The following EP300 variants were observed in gnomAD, a reference collection of about 807,000 sequenced individuals.
EP300 encodes the protein histone acetyltransferase p300.
Under a neutral mutation model 264.0 loss-of-function variants are expected in EP300, and 31 were observed. That is an observed-to-expected ratio of 0.12 (90% CI 0.09 to 0.16). The LOEUF (loss-of-function observed/expected upper bound fraction) is 0.16, where lower values mean the gene tolerates loss of function less well. Among genes scored for constraint, EP300 ranks in the 10% least tolerant of loss-of-function variants. The probability of loss-of-function intolerance (pLI) is 1.00; values close to 1 mark genes in which losing one functional copy is unlikely to be tolerated. For missense variants in EP300, 2,766 were observed against 3,052.9 expected (o/e 0.91, Z 2.21); for synonymous variants, 1,340 against 1,045.4 (o/e 1.28, Z -5.44).
At chr22:41,134,169 T>C (rs1319945532) in intron 6 of EP300, among the ~76,000 whole-genome samples, 3 of 150,854 alleles carry the variant, frequency 2.0e-5, no homozygotes, top group South Asian at 2.1e-4. Context: ...TTTTCTTTTT[T>C]TTTTTTTTTT....
chr22:41,144,454 A>C (rs2058999775), intron 10 of EP300, among the ~76,000 whole-genome samples: 1 of 151,742 alleles, frequency 6.6e-6, no homozygotes, highest in Admixed American at 6.6e-5. Context: ...CCCAAGCTCA[A>C]GCAATCCTCC....
rs568903436 is a variant in EP300 at position 41,179,799 on chromosome 22, C to T, written c.*843C>T. On this transcript the variant is annotated 3_prime_UTR_variant, in exon 31 of 31. Coordinates refer to ENST00000263253, the MANE Select transcript of EP300 (RefSeq NM_001429.4). ...TTAAAAAGAGGGTAAGAAACGATTC[C>T]GGTGGGATGATTTTAACATGCAAAA... 2.2e-4 allele frequency: 50 copies of T among 227,654 alleles called. No homozygotes were observed. The highest frequency in any genetic ancestry group is 3.5e-4 in the Non-Finnish European group (40 of 114,816). 14.1% of individuals were successfully genotyped at this position (227,654 alleles called of 1,614,324 possible). A position where few individuals can be genotyped will look rare whatever the true frequency, so the allele number is the denominator to read the frequency against.
rs754582079 is a variant in EP300 at position 41,149,039 on chromosome 22, C to T, written c.2243C>T (p.Pro748Leu). 8 of 1,611,828 alleles carry T rather than the reference C, an allele frequency of 5.0e-6. No homozygotes were observed. Among genetic ancestry groups the T allele is most frequent in the Non-Finnish European group, 2.5e-6 (3 of 1,179,414 alleles). Residue 748 changes from proline (P) to leucine (L), a missense_variant and splice_region_variant, in exon 13 of 31, where the codon CCT becomes CTT. Coordinates refer to ENST00000263253, the MANE Select transcript of EP300 (RefSeq NM_001429.4). ...QLAQPGALNP[P>L]MGYGPRMQQP... ...ATTTGTGTTTTTTTTTTTTTTCAGCCTATGGGCTATGGGCCTCGTATGCAA... is the reference window on the plus strand; with the variant it reads ...ATTTGTGTTTTTTTTTTTTTTCAGCTTATGGGCTATGGGCCTCGTATGCAA...
chr22:41,130,024 A>C, intron 5 of EP300, 21 bp downstream of exon 5: 1 of 1,588,076 alleles, frequency 6.3e-7, no homozygotes, highest in South Asian at 1.1e-5. Context: ...AAATCTTTTG[A>C]AGGTTTATAT....
chr22:41,115,310 C>T (rs2058814833), intron 1 of EP300, among the ~76,000 whole-genome samples: 1 of 152,222 alleles, frequency 6.6e-6, no homozygotes, highest in Admixed American at 6.5e-5. Context: ...CAGGAGTCTC[C>T]TAATGATAAT....
chr22:41,172,789 A>G (rs1287241271), intron 28 of EP300, 126 bp downstream of exon 28: 6 of 1,043,712 alleles, frequency 5.7e-6, no homozygotes, highest in Non-Finnish European at 5.7e-6. Flanking sequence ...GTTGGACAAG[A>G]AATATTGGCT....
chr22:41,093,471 G>T (rs1182171926), intron 1 of EP300, among the ~76,000 whole-genome samples: 1 of 152,078 alleles, frequency 6.6e-6, no homozygotes, highest in African/African-American at 2.4e-5. Flanking sequence ...AATGAATTTC[G>T]AATCCTTTCT....
chr22:41,121,655 G>A lies in EP300; in HGVS notation c.729+3834G>A, dbSNP rs191073227. On this transcript the variant is annotated intron_variant, in intron 2 of 30. Transcript: ENST00000263253. ...TGCATCGTGATCAAGGGAACAAGCA[G>A]TGTCAGGAATTGGTTGAAATTCAGT... 2.6e-3 allele frequency among the ~76,000 whole-genome samples: 402 copies of A among 152,324 alleles called. 1 individual carries two copies. Among genetic ancestry groups the A allele is most frequent in the Non-Finnish European group, 4.7e-3 (318 of 68,040 alleles).
chr22:41,142,765 A>G (rs936328323), intron 10 of EP300, among the ~76,000 whole-genome samples: 1 of 152,112 alleles, frequency 6.6e-6, no homozygotes, highest in East Asian at 1.9e-4. Context: ...GGGCACCTGT[A>G]GTCCCAGCTA....
chr22:41,144,668 A>G (rs2059001041), intron 10 of EP300, among the ~76,000 whole-genome samples: 1 of 152,116 alleles, frequency 6.6e-6, no homozygotes, highest in Non-Finnish European at 1.5e-5. Flanking sequence ...TTAAATATTT[A>G]TCTTAAAAAA....
At position 41,147,930 on chromosome 22, in the gene EP300, C is replaced by G. The variant is rs1376992475; in HGVS notation, c.2225C>G (p.Pro742Arg). The part of the protein sequence containing the change: ...PLQHHGQLAQ[P>R]GALNPPMGYG... ...CAGCACCATGGACAGTTGGCTCAACCTGGAGCTCTCAACCCGGTTAGTTTG... is the reference window on the plus strand; with the variant it reads ...CAGCACCATGGACAGTTGGCTCAACGTGGAGCTCTCAACCCGGTTAGTTTG... The change falls in exon 12 of 31, where the codon CCT becomes CGT. Residue 742 changes from proline to arginine, a missense_variant. By Grantham distance (103) the Pro-to-Arg change is moderately radical. Coordinates refer to ENST00000263253, the MANE Select transcript of EP300 (RefSeq NM_001429.4). 1 of 1,608,236 alleles carries G rather than the reference C, an allele frequency of 6.2e-7. No individual in the cohort carries two copies. The highest frequency in any genetic ancestry group is 1.7e-5 in the Admixed American group (1 of 58,902).
chr22:41,177,948 G>A lies in EP300; in HGVS notation c.6237G>A (p.Gln2079=). 1 of 1,614,196 alleles carries A rather than the reference G, an allele frequency of 6.2e-7. No individual in the cohort carries two copies. Among genetic ancestry groups the A allele is most frequent in the South Asian group, 1.1e-5 (1 of 91,084 alleles). The part of the protein sequence containing the change: ...QVLSILHANP[Q]LLAAFIKQRA... ...TTAGTATCCTTCACGCCAACCCCCAGCTGTTGGCTGCATTCATCAAGCAGC... is the reference window on the plus strand; with the variant it reads ...TTAGTATCCTTCACGCCAACCCCCAACTGTTGGCTGCATTCATCAAGCAGC... The change falls in exon 31 of 31, where the codon CAG becomes CAA. Residue 2079 remains glutamine, a synonymous_variant. Transcript: ENST00000263253.
In EP300 at chr22:41,179,043, G is replaced by C; in HGVS notation, c.*87G>C. ...TGAAAACAATTTTTTTGAATCTTTC[G>C]TAGCCTAAAAGACAATTTTCCTTGG... On this transcript the variant is annotated 3_prime_UTR_variant, in exon 31 of 31. Transcript: ENST00000263253. 2 of 1,519,640 alleles carry C rather than the reference G, an allele frequency of 1.3e-6. No homozygotes were observed. The highest frequency in any genetic ancestry group is 1.8e-6 in the Non-Finnish European group (2 of 1,115,138). 94.1% of individuals were successfully genotyped at this position (1,519,640 alleles called of 1,614,324 possible).
At chr22:41,150,236 C>G (rs746818397) in intron 14 of EP300, 38 bp downstream of exon 14, 1 of 1,557,980 alleles carries the variant, frequency 6.4e-7, no homozygotes, top group Non-Finnish European at 8.7e-7. Flanking sequence ...ATCATTAGAG[C>G]TATACTGTAG....
Position 41,177,852 on chromosome 22 carries a change from TCAA to T in EP300, c.6145_6147del (p.Gln2049del). ...GCCCACTCAAACCAGGCACTGTGTC[TCAA>T]CAAGCCTTACAAAACCTTTTGCGGA... On this transcript the variant is annotated inframe_deletion, in exon 31 of 31. Transcript: ENST00000263253. The T allele has an allele frequency of 6.2e-7, 1 of 1,614,136 alleles. No individual in the cohort carries two copies. The highest frequency in any genetic ancestry group is 8.5e-7 in the Non-Finnish European group (1 of 1,180,018).
chr22:41,111,376 C>T (rs2058789250), intron 1 of EP300, among the ~76,000 whole-genome samples: 1 of 152,176 alleles, frequency 6.6e-6, no homozygotes. Context: ...TCTTGCTAAC[C>T]TCTCACAATT....
At chr22:41,127,190 C>T (rs1290695697) in intron 3 of EP300, among the ~76,000 whole-genome samples, 1 of 152,176 alleles carries the variant, frequency 6.6e-6, no homozygotes, top group Admixed American at 6.6e-5. Flanking sequence ...GTGCTTTTAA[C>T]TACAGACACC....
At chr22:41,172,830 G>T (rs2059178530) in intron 28 of EP300, among the ~76,000 whole-genome samples, 167 bp downstream of exon 28, 2 of 152,158 alleles carry the variant, frequency 1.3e-5, no homozygotes, top group African/African-American at 4.8e-5. Context: ...TGTTTCAGTG[G>T]TATTAAACTT....
intron 16 of EP300, 135 bp from the exon 17 acceptor site, chr22:41,154,860 G>T: frequency 1.4e-6 from 1 of 694,872 alleles, no homozygotes; most frequent in Admixed American, 2.2e-5. Context: ...AGCCTGTAGT[G>T]ATATTTCCAT....
Sources: allele counts gnomAD v4.1 joint callset (sites outside exome capture counted in the v4.1 genomes callset), GRCh38; gene constraint gnomAD v4.1.1; transcripts MANE v1.5; gene names NCBI Gene and HGNC (gene_info 2026-07-23, HGNC 2026-07-21).